The following PNPLA7 variants were observed in gnomAD, a reference collection of about 807,000 sequenced individuals.
PNPLA7 encodes the protein patatin-like phospholipase domain-containing protein 7.
In PNPLA7, 153 loss-of-function variants were observed where a neutral mutation model predicts 161.7. The observed-to-expected ratio is 0.95, with a 90% CI of 0.83 to 1.08. The LOEUF (loss-of-function observed/expected upper bound fraction) is 1.08, where lower values mean the gene tolerates loss of function less well. Ranked by LOEUF, PNPLA7 falls within the 50% of genes least tolerant of loss-of-function variation. The pLI is 0.00. For synonymous variants in PNPLA7, 809 were observed against 782.1 expected (o/e 1.03, Z -0.57); for missense variants, 1,739 against 1,856.6 (o/e 0.94, Z 1.16).
chr9:137,462,554 G>A, intron 30 of PNPLA7, 131 bp downstream of exon 30: 2 of 1,414,836 alleles, frequency 1.4e-6, no homozygotes, highest in Non-Finnish European at 1.9e-6. Flanking sequence ...TCAGGCAGGG[G>A]TGGTGAGGGG....
intron 18 of PNPLA7, among the ~76,000 whole-genome samples, chr9:137,496,497 C>A (rs182738585): frequency 9.9e-4 from 150 of 151,810 alleles, no homozygotes; most frequent in African/African-American, 3.5e-3. Context: ...GAATCACCTG[C>A]GGTCGGGAGT....
At position 137,547,214 on chromosome 9, in the gene PNPLA7, C is replaced by T. The variant is rs988345363; in HGVS notation, c.193+95G>A. 1.9e-5 allele frequency: 23 copies of T among 1,222,150 alleles called. No individual in the cohort carries two copies. Among genetic ancestry groups the T allele is most frequent in the East Asian group, 4.6e-5 (2 of 43,022 alleles). 75.7% of individuals were successfully genotyped at this position (1,222,150 alleles called of 1,614,324 possible). A position where few individuals can be genotyped will look rare whatever the true frequency, so the allele number is the denominator to read the frequency against. ...TCAGATTCTAGCCAAAGCCACCATGCGCTTGAGGGCCCCTCCCAGGGGCTC... is the reference window on the plus strand; with the variant it reads ...TCAGATTCTAGCCAAAGCCACCATGTGCTTGAGGGCCCCTCCCAGGGGCTC... On this transcript the variant is annotated intron_variant, in intron 3 of 34. Transcript: ENST00000406427. This position sits in a 1 kb window ranked among gnomAD's most constrained non-coding sequence, Gnocchi z 4.6.
chr9:137,543,286 C>A lies in PNPLA7; in HGVS notation c.506+146G>T, dbSNP rs1836311090. 3.9e-6 allele frequency: 4 copies of A among 1,021,666 alleles called. No homozygotes were observed. In the Admixed American group the frequency reaches 9.3e-5, roughly 24 times the overall value. The allele number at this position is 1,021,666 out of a possible 1,614,324, so 63.3% of individuals were successfully genotyped here. A position where few individuals can be genotyped will look rare whatever the true frequency, so the allele number is the denominator to read the frequency against. On this transcript the variant is annotated intron_variant, in intron 6 of 34. Transcript: ENST00000406427. The surrounding 1 kb of genome is among the most constrained non-coding windows in gnomAD (Gnocchi z 6.9). ...GGAGCCAGCAGACCACGAGGCCCCGCCACGGGGCACAGACACCAGCAGCCC... is the reference window on the plus strand; with the variant it reads ...GGAGCCAGCAGACCACGAGGCCCCGACACGGGGCACAGACACCAGCAGCCC...
intron 8 of PNPLA7, among the ~76,000 whole-genome samples, chr9:137,531,506 C>A (rs568311489): frequency 2.6e-5 from 4 of 152,160 alleles, no homozygotes; most frequent in Admixed American, 2.6e-4. Flanking sequence ...CAGGGGTCCC[C>A]GAGGGCTCCC....
chr9:137,474,952 C>T (rs182508553), intron 25 of PNPLA7, among the ~76,000 whole-genome samples: 2,144 of 118,798 alleles, frequency 0.018, 68 homozygotes, highest in African/African-American at 0.067. Context: ...ACCTGGGAGG[C>T]GGAGCTTGCA....
intron 26 of PNPLA7, among the ~76,000 whole-genome samples, chr9:137,466,804 C>T (rs1352059654): frequency 1.0e-4 from 14 of 136,266 alleles, no homozygotes; most frequent in Non-Finnish European, 1.4e-4. Flanking sequence ...AACTCAGACC[C>T]GGGCACGGAT....
Position 137,505,737 on chromosome 9 carries a change from T to C in PNPLA7, c.1350A>G (p.Ala450=), listed in dbSNP as rs1361296843. ...ASKSRKSVMV[A]EIPSTVSQHS... is the part of the protein sequence containing the mutation. ...GCTGGGAGACCGTGGAGGGTATCTC[T>C]GCAACCATCACGCTTTTCCTGGACT... The change falls in exon 14 of 35, where the codon GCA becomes GCG. Residue 450 remains alanine, a synonymous_variant. Coordinates refer to ENST00000406427, the MANE Select transcript of PNPLA7 (RefSeq NM_001098537.3). 6.2e-7 allele frequency: 1 copy of C among 1,613,920 alleles called. No homozygotes were observed.
At chr9:137,463,009 G>A (rs373361785) in intron 29 of PNPLA7, 176 bp from the exon 30 acceptor site, 20 of 877,414 alleles carry the variant, frequency 2.3e-5, no homozygotes, top group African/African-American at 1.7e-4. Context: ...GTGGGCACAC[G>A]GCTGTGTCCT....
Position 137,512,902 on chromosome 9 carries a change from G to A in PNPLA7, c.1225+2477C>T, listed in dbSNP as rs114222794. 7.4e-3 allele frequency among the ~76,000 whole-genome samples: 1,122 copies of A among 150,950 alleles called. 13 individuals carry two copies. Among genetic ancestry groups the A allele is most frequent in the African/African-American group, 0.026 (1,057 of 41,018 alleles). ...CACTTGAGCCCAGAGGGTTGAGGCC[G>A]CAGTGTGCCATGATCTCACCACTGC... On this transcript the variant is annotated intron_variant, in intron 12 of 34. Transcript: ENST00000406427.
At chr9:137,488,226 G>A (rs1432023178) in intron 20 of PNPLA7, among the ~76,000 whole-genome samples, 4 of 151,956 alleles carry the variant, frequency 2.6e-5, no homozygotes, top group African/African-American at 9.7e-5. Context: ...GCGGTCTGAT[G>A]TCTCGTCCCG....
chr9:137,480,341 G>A lies in PNPLA7; in HGVS notation c.2551C>T (p.Leu851=). The A allele has an allele frequency of 6.2e-7, 1 of 1,613,080 alleles. No individual in the cohort carries two copies. Among genetic ancestry groups the A allele is most frequent in the Non-Finnish European group, 8.5e-7 (1 of 1,179,910 alleles). The part of the protein sequence containing the change: ...RQADCILIVG[L]GDQEPTVGEL... ...CCCACTGTGGGCTCCTGGTCACCCA[G>A]GCCCACGATGAGGATGCAGTCGGCC... The change falls in exon 23 of 35, where the codon CTG becomes TTG. Residue 851 remains leucine, a synonymous_variant. Transcript: ENST00000406427.
rs150411963 is a variant in PNPLA7 at position 137,519,823 on chromosome 9, A to G, written c.1084+94T>C. 8,642 of 1,495,788 alleles carry G rather than the reference A, an allele frequency of 5.8e-3. 42 individuals are homozygous for G. The highest frequency in any genetic ancestry group is 7.2e-3 in the Non-Finnish European group (7,991 of 1,114,348). The allele number at this position is 1,495,788 out of a possible 1,614,324, so 92.7% of individuals were successfully genotyped here. ...GGGGATGTGTGTGGTGGCCTCAGGCATGTGCAAGATGACCTGGGGTGACCT... is the reference window on the plus strand; with the variant it reads ...GGGGATGTGTGTGGTGGCCTCAGGCGTGTGCAAGATGACCTGGGGTGACCT... On this transcript the variant is annotated intron_variant, in intron 11 of 34. Transcript: ENST00000406427.
At chr9:137,518,115 T>A (rs1469112977) in intron 11 of PNPLA7, among the ~76,000 whole-genome samples, 54 of 55,804 alleles carry the variant, frequency 9.7e-4, no homozygotes, top group African/African-American at 2.5e-3. Context: ...ACTCCATCCC[T>A]CACTCACTCA....
At chr9:137,471,322 C>T (rs923524731) in intron 25 of PNPLA7, among the ~76,000 whole-genome samples, 18 of 152,244 alleles carry the variant, frequency 1.2e-4, no homozygotes, top group Admixed American at 7.9e-4. Context: ...CATTTATGGC[C>T]GGGCACAGTG....
In PNPLA7 at chr9:137,547,503, G is replaced by C. The variant is rs1439116422; in HGVS notation, c.105+82C>G. On this transcript the variant is annotated intron_variant, in intron 2 of 34. Transcript: ENST00000406427. The surrounding 1 kb of genome is among the most constrained non-coding windows in gnomAD (Gnocchi z 4.6). The stretch of plus-strand genomic sequence containing the variant: ...GCCCAACCACAGGCTGGGCAGGAAT[G>C]AGCCAGGGGATGGGGACAGGGAGAG... 6.3e-7 allele frequency: 1 copy of C among 1,592,916 alleles called. No individual in the cohort carries two copies.
intron 11 of PNPLA7, among the ~76,000 whole-genome samples, chr9:137,518,429 TCACTGACTCCACTCCATCCCC>T (rs1834765774): frequency 2.6e-5 from 1 of 37,852 alleles, no homozygotes; most frequent in Non-Finnish European, 4.5e-5. Context: ...CATCCCCCAC[TCACTGACTCCACTCCATCCCC>T]CACTCACTCA....
At chr9:137,546,115 T>C (rs550186655) in intron 4 of PNPLA7, among the ~76,000 whole-genome samples, 19 of 152,280 alleles carry the variant, frequency 1.2e-4, no homozygotes, top group African/African-American at 4.1e-4. Context: ...GCTCTGTCTT[T>C]TAGATAGCAG....
intron 1 of PNPLA7, among the ~76,000 whole-genome samples, chr9:137,548,106 A>C (rs993097022): frequency 6.6e-6 from 1 of 152,328 alleles, no homozygotes; most frequent in Non-Finnish European, 1.5e-5. Flanking sequence ...GCAGCGGCCG[A>C]GAAGGCTCTG....
intron 22 of PNPLA7, 151 bp from the exon 23 acceptor site, chr9:137,480,631 G>C (rs1404165118): frequency 3.3e-6 from 3 of 908,966 alleles, no homozygotes; most frequent in Non-Finnish European, 4.9e-6. Flanking sequence ...AGTTCGCAGT[G>C]AGTTATTCAG....
Sources: gnomAD v4.1 joint callset for allele counts (sites outside exome capture counted in the v4.1 genomes callset) on GRCh38, gnomAD v4.1.1 for gene constraint, Gnocchi (gnomAD v3.1) non-coding constraint, MANE v1.5 for transcripts, NCBI Gene and HGNC (gene_info 2026-07-23, HGNC 2026-07-21) for gene names.